SIRT5: variants seen among roughly 807,000 people sequenced by gnomAD.
The protein encoded by SIRT5 is sirtuin 5, also known as NAD-dependent protein deacylase sirtuin-5, mitochondrial.
Under a neutral mutation model 40.0 loss-of-function variants are expected in SIRT5, and 26 were observed. The ratio of observed to expected loss-of-function variants is 0.65; its 90% CI spans 0.48 to 0.90. The LOEUF (loss-of-function observed/expected upper bound fraction) is 0.90, where lower values mean the gene tolerates loss of function less well. Among genes scored for constraint, SIRT5 ranks in the 40% least tolerant of loss-of-function variants. The pLI is 0.00. For synonymous variants in SIRT5, 146 were observed against 149.1 expected (o/e 0.98, Z 0.15); for missense variants, 401 against 402.4 (o/e 1.00, Z 0.03).
Position 13,612,150 on chromosome 6 carries a change from G to C in SIRT5, c.*285G>C. On this transcript the variant is annotated 3_prime_UTR_variant, in exon 10 of 10. Coordinates refer to ENST00000606117, the MANE Select transcript of SIRT5 (RefSeq NM_012241.5). The stretch of plus-strand genomic sequence containing the variant: ...TTGGTTATTGGGAGGGAAAAATTTT[G>C]TAAATTAGATTGTCTAAAAAAAATA... 4.0e-6 allele frequency: 1 copy of C among 252,030 alleles called. No individual in the cohort carries two copies. The highest frequency in any genetic ancestry group is 7.5e-6 in the Non-Finnish European group (1 of 132,770). 15.6% of individuals were successfully genotyped at this position (252,030 alleles called of 1,614,324 possible).
chr6:13,586,205 C>T (rs1458290652), intron 3 of SIRT5, among the ~76,000 whole-genome samples: 2 of 152,160 alleles, frequency 1.3e-5, no homozygotes, highest in Non-Finnish European at 2.9e-5. Flanking sequence ...CCTGTTTACT[C>T]CGATGATAGT....
chr6:13,594,164 G>A (rs772058552), intron 5 of SIRT5, among the ~76,000 whole-genome samples: 5 of 152,132 alleles, frequency 3.3e-5, no homozygotes, highest in East Asian at 1.9e-4. Flanking sequence ...GAATCTGCCC[G>A]GTCAGGCCAC....
chr6:13,597,230 C>G (rs1368724488), intron 7 of SIRT5, among the ~76,000 whole-genome samples: 1 of 151,564 alleles, frequency 6.6e-6, no homozygotes. Context: ...CCTCTTTTTG[C>G]TTTGTGTTGT....
At chr6:13,581,127 C>T (rs543793695) in intron 2 of SIRT5, among the ~76,000 whole-genome samples, 1 of 152,298 alleles carries the variant, frequency 6.6e-6, no homozygotes, top group East Asian at 1.9e-4. Context: ...ACAAGTACTA[C>T]ACCTAGACAT....
In SIRT5 at chr6:13,614,876, T is replaced by G. The variant is rs1764208422; in HGVS notation, c.*3011T>G. The G allele has an allele frequency of 1.3e-5, 2 of 156,124 alleles. No individual in the cohort carries two copies. The highest frequency in any genetic ancestry group is 2.4e-5 in the African/African-American group (1 of 41,570). 9.7% of individuals were successfully genotyped at this position (156,124 alleles called of 1,614,324 possible). A position where few individuals can be genotyped will look rare whatever the true frequency, so the allele number is the denominator to read the frequency against. ...GCGGCCATCTGCTAGAGCGCATTTC[T>G]TCCCATGAAACGCCACCTCCTCCGA... On this transcript the variant is annotated 3_prime_UTR_variant, in exon 10 of 10. Transcript: ENST00000606117.
chr6:13,589,936 T>C (rs553668086), intron 4 of SIRT5, among the ~76,000 whole-genome samples: 1 of 152,270 alleles, frequency 6.6e-6, no homozygotes, highest in African/African-American at 2.4e-5. Flanking sequence ...GACATATTCC[T>C]GTGCCACCTA....
chr6:13,593,576 T>C (rs1761210387), intron 5 of SIRT5, among the ~76,000 whole-genome samples: 1 of 152,168 alleles, frequency 6.6e-6, no homozygotes, highest in African/African-American at 2.4e-5. Flanking sequence ...GTCAGGACTT[T>C]TTAAAATTTC....
At position 13,595,474 on chromosome 6, in the gene SIRT5, C is replaced by G. The variant is rs1386617642; in HGVS notation, c.476-3C>G. The G allele has an allele frequency of 6.2e-7, 1 of 1,611,738 alleles. No individual in the cohort carries two copies. Among genetic ancestry groups the G allele is most frequent in the Admixed American group, 1.7e-5 (1 of 59,982 alleles). ...CTGGATTTGCTTCATATGTATTTTT[C>G]AGGTAGCTTATTTAAAACTCGATGT... On this transcript the variant is annotated splice_polypyrimidine_tract_variant and splice_region_variant and intron_variant, in intron 5 of 9. Transcript: ENST00000606117.
At chr6:13,585,253 T>C (rs554354923) in intron 3 of SIRT5, 1 of 152,198 alleles carries the variant, frequency 6.6e-6, no homozygotes, top group Admixed American at 6.5e-5. Flanking sequence ...TTATTTATTT[T>C]TTATTATAAT....
chr6:13,575,954 G>C (rs553935482), intron 1 of SIRT5, among the ~76,000 whole-genome samples: 22 of 152,240 alleles, frequency 1.4e-4, no homozygotes, highest in South Asian at 1.2e-3. Context: ...ATGTCCTCCA[G>C]GTTCATCCAT....
chr6:13,604,584 G>A, intron 9 of SIRT5: 2 of 1,562,890 alleles, frequency 1.3e-6, no homozygotes, highest in East Asian at 2.3e-5. Context: ...TAAAACTGGA[G>A]TATTTCCACA....
chr6:13,588,413 T>C lies in SIRT5; in HGVS notation c.198T>C (p.Gly66=), dbSNP rs371751222. 1.6e-5 allele frequency: 26 copies of C among 1,614,104 alleles called. No individual in the cohort carries two copies. In the African/African-American group the frequency reaches 3.1e-4, roughly 19 times the overall value. ...GAGCTGGTGTTAGTGCAGAAAGTGG[T>C]GTTCCGACCTTCAGAGGAGCTGGAG... ...ISGAGVSAES[G]VPTFRGAGGY... is the part of the protein sequence containing the mutation. Residue 66 remains glycine, a synonymous_variant, in exon 4 of 10, where the codon GGT becomes GGC. Transcript: ENST00000606117.
chr6:13,575,119 G>A (rs983758777), intron 1 of SIRT5, among the ~76,000 whole-genome samples: 4 of 152,192 alleles, frequency 2.6e-5, no homozygotes, highest in Admixed American at 6.5e-5. Flanking sequence ...AGTGCTTCGG[G>A]GGGAGGCGGC....
rs895977282 is a variant in SIRT5 at position 13,591,612 on chromosome 6, G to A, written c.250-57G>A. 31 of 1,409,722 alleles carry A rather than the reference G, an allele frequency of 2.2e-5. No homozygotes were observed. In the South Asian group the frequency reaches 4.3e-4, roughly 20 times the overall value. 87.3% of individuals were successfully genotyped at this position (1,409,722 alleles called of 1,614,324 possible). A position where few individuals can be genotyped will look rare whatever the true frequency, so the allele number is the denominator to read the frequency against. ...AGGGAGGAAGGGCCTGTGCCCCAGG[G>A]TTCAGCATCCTGGCTGTCTCTGCCT... On this transcript the variant is annotated intron_variant, in intron 4 of 9. Transcript: ENST00000606117.
At chr6:13,600,972 G>A in intron 9 of SIRT5, 23 bp downstream of exon 9, 4 of 1,574,386 alleles carry the variant, frequency 2.5e-6, no homozygotes, top group South Asian at 1.1e-5. Context: ...CCTGATGGGA[G>A]AGGGAGATGT....
intron 8 of SIRT5, among the ~76,000 whole-genome samples, chr6:13,599,496 C>A (rs1323599095): frequency 6.6e-6 from 1 of 152,166 alleles, no homozygotes; most frequent in Non-Finnish European, 1.5e-5. Context: ...TGAGAACATG[C>A]AAAAATTATC....
intron 9 of SIRT5, among the ~76,000 whole-genome samples, chr6:13,602,530 G>T (rs1383819151): frequency 6.6e-6 from 1 of 151,482 alleles, no homozygotes; most frequent in Non-Finnish European, 1.5e-5. Context: ...CTACAAAGTT[G>T]CAGTAATCAA....
chr6:13,584,910 G>A (rs2804919), intron 3 of SIRT5: 48,730 of 152,066 alleles, frequency 0.32, 7,957 homozygotes, highest in African/African-American at 0.36. Context: ...AAATTAACCT[G>A]TCTGGGCCCT....
intron 2 of SIRT5, among the ~76,000 whole-genome samples, chr6:13,581,621 A>G (rs746270622): frequency 6.6e-6 from 1 of 152,248 alleles, no homozygotes; most frequent in African/African-American, 2.4e-5. Flanking sequence ...ATTGCTGAAG[A>G]GTCTTCATGG....
Sources: allele counts gnomAD v4.1 joint callset (sites outside exome capture counted in the v4.1 genomes callset), GRCh38; gene constraint gnomAD v4.1.1; transcripts MANE v1.5; gene names NCBI Gene and HGNC (gene_info 2026-07-23, HGNC 2026-07-21).